The following PCNX4 variants were observed in gnomAD, a reference collection of about 807,000 sequenced individuals.
The protein encoded by PCNX4 is pecanex-like protein 4.
In PCNX4, 103 loss-of-function variants were observed where a neutral mutation model predicts 107.2. That is an observed-to-expected ratio of 0.96 (90% CI 0.82 to 1.13). The LOEUF (loss-of-function observed/expected upper bound fraction) is 1.13. Ranked by LOEUF, PCNX4 falls within the 50% of genes most tolerant of loss-of-function variation. The pLI, the probability that PCNX4 is intolerant of heterozygous loss-of-function variation, is 0.00. For missense variants in PCNX4, 1,528 were observed against 1,379.4 expected, an observed-to-expected ratio of 1.11 and a Z score of -1.71; for synonymous variants, 541 against 481.7, an observed-to-expected ratio of 1.12 and a Z score of -1.61.
At chr14:60,108,399 G>A in intron 2 of PCNX4, 72 bp downstream of exon 2, 2 of 1,171,658 alleles carry the variant, frequency 1.7e-6, no homozygotes, top group Non-Finnish European at 2.4e-6. Context: ...TTTCCTTTTA[G>A]TGTTACAAAA....
At chr14:60,115,868 T>C (rs758049411) in intron 5 of PCNX4, 49 bp downstream of exon 5, 1 of 1,589,596 alleles carries the variant, frequency 6.3e-7, no homozygotes, top group South Asian at 1.1e-5. Context: ...TAAGTTTTAT[T>C]GTAATTTTGT....
At chr14:60,111,129 T>A (rs1202773822) in intron 2 of PCNX4, 3 of 159,570 alleles carry the variant, frequency 1.9e-5, no homozygotes, top group Non-Finnish European at 4.4e-5. Context: ...CCAGAACTGT[T>A]AGAAAATAAA....
chr14:60,132,929 T>C (rs1896181724), intron 10 of PCNX4, among the ~76,000 whole-genome samples: 1 of 152,136 alleles, frequency 6.6e-6, no homozygotes, highest in Non-Finnish European at 1.5e-5. Context: ...ATGGCTAAAA[T>C]CAAAAGGTCT....
chr14:60,114,787 G>C lies in PCNX4; in HGVS notation c.777G>C (p.Gly259=). 2 of 1,613,800 alleles carry C rather than the reference G, an allele frequency of 1.2e-6. No individual in the cohort carries two copies. The highest frequency in any genetic ancestry group is 8.5e-7 in the Non-Finnish European group (1 of 1,179,846). ...FVFLPFLWAL[G]TLPPPDALLL... ...TTTTACCCTTTCTGTGGGCACTTGG[G>C]ACTCTGCCCCCACCCGATGCACTTC... The change falls in exon 3 of 11, where the codon GGG becomes GGC. Residue 259 remains glycine (G), a synonymous_variant. Coordinates refer to ENST00000406854, the MANE Select transcript of PCNX4 (RefSeq NM_001330177.2).
chr14:60,099,085 C>T (rs1355505260), intron 1 of PCNX4, among the ~76,000 whole-genome samples: 2 of 152,174 alleles, frequency 1.3e-5, no homozygotes, highest in Non-Finnish European at 2.9e-5. Context: ...GTACCCTCAA[C>T]AGATAGCACT....
At chr14:60,115,689 T>C in intron 4 of PCNX4, 30 bp from the exon 5 acceptor site, 1 of 1,577,838 alleles carries the variant, frequency 6.3e-7, no homozygotes, top group Non-Finnish European at 8.7e-7. Context: ...TTTGCCTTAA[T>C]TAAATTTCTC....
rs760202169 is a variant in PCNX4 at position 60,115,224 on chromosome 14, C to T, written c.1120C>T (p.His374Tyr). ...VLALLETSLL[H>Y]HFAGFSQISK... ...GGCTCTTTTAGAAACTAGCTTGCTT[C>T]ATCACTTTGCTGGCTTCTCACAGAT... is the stretch of plus-strand genomic sequence containing the variant. The change falls in exon 4 of 11, where the codon CAT becomes TAT. Residue 374 changes from histidine (H) to tyrosine (Y), a missense_variant. His to Tyr is a moderately conservative substitution (Grantham distance 83). Coordinates refer to ENST00000406854, the MANE Select transcript of PCNX4 (RefSeq NM_001330177.2). The T allele has an allele frequency of 3.1e-6, 5 of 1,613,340 alleles. No homozygotes were observed. Among genetic ancestry groups the T allele is most frequent in the Non-Finnish European group, 4.2e-6 (5 of 1,179,380 alleles).
intron 2 of PCNX4, chr14:60,110,779 G>A (rs1165821757): frequency 1.8e-5 from 3 of 167,180 alleles, no homozygotes; most frequent in African/African-American, 4.8e-5. Context: ...GGGATATGGG[G>A]ATGGAATGAA....
intron 7 of PCNX4, among the ~76,000 whole-genome samples, chr14:60,120,391 A>G (rs965958708): frequency 2.0e-5 from 3 of 151,972 alleles, no homozygotes; most frequent in Non-Finnish European, 4.4e-5. Context: ...AGTATATACT[A>G]TATTGTTTGT....
chr14:60,116,359 C>T (rs571001229), intron 6 of PCNX4, among the ~76,000 whole-genome samples: 24 of 152,306 alleles, frequency 1.6e-4, no homozygotes, highest in African/African-American at 5.5e-4. Flanking sequence ...GCTTCTTTCA[C>T]TTTTATGTTT....
At chr14:60,098,593 T>A (rs1895471099) in intron 1 of PCNX4, among the ~76,000 whole-genome samples, 1 of 152,230 alleles carries the variant, frequency 6.6e-6, no homozygotes, top group South Asian at 2.1e-4. Context: ...AGCGGGGTGC[T>A]TACCATATAA....
rs780398482 is a variant in PCNX4 at position 60,107,901 on chromosome 14, A to T, written c.263A>T (p.Gln88Leu). 1 of 1,612,924 alleles carries T rather than the reference A, an allele frequency of 6.2e-7. No homozygotes were observed. Among genetic ancestry groups the T allele is most frequent in the South Asian group, 1.1e-5 (1 of 91,080 alleles). ...ATGCTTTTTACTGCATTTGTCATCC[A>T]GTTCACAAGTTTATACGCCAAAAAC... ...GLMLFTAFVI[Q>L]FTSLYAKNKS... is the part of the protein sequence containing the mutation. Residue 88 changes from glutamine to leucine, a missense_variant, in exon 2 of 11, where the codon CAG (glutamine) becomes CTG (leucine). Physicochemically the swap from Gln to Leu is moderately radical, Grantham distance 113. Transcript: ENST00000406854.
In PCNX4 at chr14:60,136,275, T is replaced by G. The variant is rs1896239196; in HGVS notation, c.*2054T>G. ...TTCTTCTTATCTTCCTAGCAACTCC[T>G]CAAACATCTTTGCTGCCTCTCCTCT... On this transcript the variant is annotated 3_prime_UTR_variant, in exon 11 of 11. Transcript: ENST00000406854. The G allele has an allele frequency of 6.6e-6, 1 of 152,194 alleles. No individual in the cohort carries two copies. Among genetic ancestry groups the G allele is most frequent in the African/African-American group, 2.4e-5 (1 of 41,438 alleles). 9.4% of individuals were successfully genotyped at this position (152,194 alleles called of 1,614,324 possible).
In PCNX4 at chr14:60,125,672, T is replaced by C. The variant is rs775624602; in HGVS notation, c.3116T>C (p.Leu1039Ser). 19 of 1,571,218 alleles carry C rather than the reference T, an allele frequency of 1.2e-5. No individual in the cohort carries two copies. In the South Asian group the frequency reaches 2.2e-4, roughly 18 times the overall value. The change falls in exon 10 of 11, where the codon TTA becomes TCA. Residue 1039 changes from leucine (L) to serine (S), a missense_variant. Physicochemically the swap from Leu to Ser is moderately radical, Grantham distance 145. Transcript: ENST00000406854. ...TLKLMIDKAS[L>S]GPIEDFRELI... ...AAACTAATGATTGATAAAGCAAGTT[T>C]AGGTCCAATAGAAGACTTTAGAGAA...
At chr14:60,114,550 T>C in intron 2 of PCNX4, 150 bp from the exon 3 acceptor site, 1 of 593,206 alleles carries the variant, frequency 1.7e-6, no homozygotes, top group Non-Finnish European at 2.9e-6. Context: ...ATTGATCATT[T>C]GTAAGTTGGG....
chr14:60,108,340 C>A lies in PCNX4; in HGVS notation c.689+13C>A. 1.3e-6 allele frequency: 2 copies of A among 1,558,290 alleles called. No individual in the cohort carries two copies. The highest frequency in any genetic ancestry group is 1.2e-5 in the South Asian group (1 of 83,392). ...ATCTGGCACACAGGTAAAAACCTAC[C>A]AAATACTTTGTAACTAACTTTGTTT... On this transcript the variant is annotated intron_variant, in intron 2 of 10. Coordinates refer to ENST00000406854, the MANE Select transcript of PCNX4 (RefSeq NM_001330177.2).
At chr14:60,100,945 T>C (rs187866660) in intron 1 of PCNX4, among the ~76,000 whole-genome samples, 1 of 152,330 alleles carries the variant, frequency 6.6e-6, no homozygotes, top group Admixed American at 6.5e-5. Context: ...CAAGAGATAA[T>C]CAACTAACAG....
At chr14:60,095,363 G>C (rs1020597357) in intron 1 of PCNX4, among the ~76,000 whole-genome samples, 13 of 152,180 alleles carry the variant, frequency 8.5e-5, no homozygotes, top group Non-Finnish European at 1.5e-4. Context: ...ATTTATGTCT[G>C]GTGGGCCAGG....
intron 3 of PCNX4, 32 bp from the exon 4 acceptor site, chr14:60,114,942 T>G: frequency 6.7e-7 from 1 of 1,498,124 alleles, no homozygotes; most frequent in Non-Finnish European, 8.8e-7. Context: ...TCTTTTCAAG[T>G]AAATATTTTT....
Sources: gnomAD v4.1 joint callset for allele counts (sites outside exome capture counted in the v4.1 genomes callset) on GRCh38, gnomAD v4.1.1 for gene constraint, MANE v1.5 for transcripts, NCBI Gene and HGNC (gene_info 2026-07-23, HGNC 2026-07-21) for gene names.